Variants in ALKBH3 observed in about 807,000 individuals in gnomAD.
The protein encoded by ALKBH3 is alpha-ketoglutarate-dependent dioxygenase alkB homolog 3.
Under a neutral mutation model 43.9 loss-of-function variants are expected in ALKBH3, and 51 were observed. The observed-to-expected ratio is 1.16, with a 90% CI of 0.93 to 1.47. ALKBH3 has a LOEUF of 1.47. Ranked by LOEUF, ALKBH3 falls within the 40% of genes most tolerant of loss-of-function variation. The probability of loss-of-function intolerance (pLI) is 0.00; values close to 1 mark genes in which losing one functional copy is unlikely to be tolerated. For synonymous variants in ALKBH3, 102 were observed against 115.2 expected, an observed-to-expected ratio of 0.89 and a Z score of 0.73; for missense variants, 361 against 351.9, an observed-to-expected ratio of 1.03 and a Z score of -0.21.
In ALKBH3 at chr11:43,901,063, G is replaced by A. The variant is rs966982063; in HGVS notation, c.460-453G>A. ...TAAAATAGGAATAGAACGAACAGAG[G>A]GCCACCCAGCAGGAAAGTTGTTTCA... On this transcript the variant is annotated intron_variant, in intron 7 of 9. Coordinates refer to ENST00000302708, the MANE Select transcript of ALKBH3 (RefSeq NM_139178.4). 1.1e-4 allele frequency among the ~76,000 whole-genome samples: 17 copies of A among 152,132 alleles called. 1 individual carries two copies. Among genetic ancestry groups the A allele is most frequent in the African/African-American group, 3.6e-4 (15 of 41,418 alleles).
chr11:43,909,427 T>C (rs555897431), intron 8 of ALKBH3: 7 of 152,318 alleles, frequency 4.6e-5, no homozygotes, highest in Admixed American at 1.3e-4. Flanking sequence ...AGGAACAACT[T>C]TGCAGCCCAA....
chr11:43,889,115 A>AC (rs913600445), intron 5 of ALKBH3, among the ~76,000 whole-genome samples: 27 of 151,816 alleles, frequency 1.8e-4, no homozygotes, highest in African/African-American at 5.6e-4. Context: ...TGCAACCTCC[A>AC]CCCCCGGGTT....
intron 6 of ALKBH3, among the ~76,000 whole-genome samples, chr11:43,891,037 T>C (rs1031351860): frequency 2.0e-5 from 3 of 152,182 alleles, no homozygotes; most frequent in Admixed American, 6.5e-5. Context: ...TATATATTTT[T>C]TGAGTATTTT....
intron 8 of ALKBH3, among the ~76,000 whole-genome samples, chr11:43,915,274 G>T (rs1379568233): frequency 1.3e-5 from 2 of 151,204 alleles, no homozygotes; most frequent in Non-Finnish European, 2.9e-5. Flanking sequence ...TGAATGAGTT[G>T]TCATTTCTCC....
intron 5 of ALKBH3, among the ~76,000 whole-genome samples, chr11:43,888,568 C>A (rs1208338332): frequency 6.6e-6 from 1 of 152,210 alleles, no homozygotes; most frequent in Non-Finnish European, 1.5e-5. Flanking sequence ...ATAGAACTTA[C>A]ACATCTAGAT....
chr11:43,889,353 A>G (rs1951767849), intron 5 of ALKBH3, among the ~76,000 whole-genome samples: 1 of 152,228 alleles, frequency 6.6e-6, no homozygotes, highest in Non-Finnish European at 1.5e-5. Context: ...TTCACAGTGA[A>G]TCTATGAGGT....
chr11:43,887,357 G>A (rs976401688), intron 5 of ALKBH3, among the ~76,000 whole-genome samples: 3 of 152,144 alleles, frequency 2.0e-5, no homozygotes, highest in Non-Finnish European at 4.4e-5. Flanking sequence ...GCCCAGGCTG[G>A]AGTGCAATGG....
intron 8 of ALKBH3, among the ~76,000 whole-genome samples, chr11:43,917,296 A>G (rs1242043672): frequency 6.6e-6 from 1 of 152,114 alleles, no homozygotes; most frequent in Non-Finnish European, 1.5e-5. Flanking sequence ...TATAGTGTTT[A>G]CCTATTCTCT....
At chr11:43,896,515 G>A (rs1042329909) in intron 7 of ALKBH3, among the ~76,000 whole-genome samples, 3 of 152,102 alleles carry the variant, frequency 2.0e-5, no homozygotes, top group African/African-American at 7.2e-5. Context: ...TTTTCTGCCT[G>A]CTTTATATTC....
At chr11:43,916,043 A>G (rs528716235) in intron 8 of ALKBH3, among the ~76,000 whole-genome samples, 1 of 152,366 alleles carries the variant, frequency 6.6e-6, no homozygotes, top group South Asian at 2.1e-4. Flanking sequence ...AACCTGTATG[A>G]TGATTTTAAA....
intron 7 of ALKBH3, among the ~76,000 whole-genome samples, chr11:43,894,170 A>G (rs1422981663): frequency 6.6e-6 from 1 of 152,202 alleles, no homozygotes; most frequent in East Asian, 1.9e-4. Flanking sequence ...GTTCAAACTA[A>G]ATCTCACATG....
intron 6 of ALKBH3, among the ~76,000 whole-genome samples, chr11:43,890,663 A>C (rs1394524558): frequency 2.0e-5 from 3 of 152,138 alleles, no homozygotes; most frequent in African/African-American, 7.2e-5. Context: ...CAGGAGATCG[A>C]GACCATCCTG....
intron 5 of ALKBH3, among the ~76,000 whole-genome samples, chr11:43,887,443 G>T (rs1345214450): frequency 6.6e-6 from 1 of 152,130 alleles, no homozygotes; most frequent in Non-Finnish European, 1.5e-5. Flanking sequence ...AAGTAGCTGG[G>T]ATTACAGGCA....
At position 43,893,631 on chromosome 11, in the gene ALKBH3, T is replaced by C. The variant is rs1330452958; in HGVS notation, c.459+1502T>C. On this transcript the variant is annotated intron_variant, in intron 7 of 9. Coordinates refer to ENST00000302708, the MANE Select transcript of ALKBH3 (RefSeq NM_139178.4). ...AGACAAATATACCTAGAGAATCTTT[T>C]TTTCTGTAACAATAAAATAGTCCAG... 2.0e-5 allele frequency among the ~76,000 whole-genome samples: 3 copies of C among 152,180 alleles called. No homozygotes were observed. In the East Asian group the frequency reaches 5.8e-4, roughly 29 times the overall value.
At chr11:43,916,139 AT>A (rs1951981987) in intron 8 of ALKBH3, among the ~76,000 whole-genome samples, 1 of 152,254 alleles carries the variant, frequency 6.6e-6, no homozygotes, top group Non-Finnish European at 1.5e-5. Context: ...CTCATACAGT[AT>A]GAATTACCTT....
chr11:43,905,724 A>G (rs1353105985), intron 8 of ALKBH3, among the ~76,000 whole-genome samples: 2 of 152,140 alleles, frequency 1.3e-5, no homozygotes, highest in Admixed American at 6.5e-5. Context: ...GACCTTTTTT[A>G]TTCTATCAGG....
intron 7 of ALKBH3, among the ~76,000 whole-genome samples, chr11:43,899,983 A>T (rs1001874517): frequency 6.6e-6 from 1 of 151,920 alleles, no homozygotes; most frequent in African/African-American, 2.4e-5. Context: ...ATGTGAAGCC[A>T]ATTTCCTTCA....
At chr11:43,917,634 CCT>C (rs1463553628) in intron 8 of ALKBH3, among the ~76,000 whole-genome samples, 4 of 151,686 alleles carry the variant, frequency 2.6e-5, no homozygotes, top group Admixed American at 1.3e-4. Flanking sequence ...CCATGTGTCT[CCT>C]CTGTCTGGAT....
intron 7 of ALKBH3, among the ~76,000 whole-genome samples, chr11:43,896,297 ACACG>A (rs1301029279): frequency 6.8e-6 from 1 of 146,428 alleles, no homozygotes; most frequent in Non-Finnish European, 1.5e-5. Flanking sequence ...ACACACACAC[ACACG>A]TATATATATA....
Sources: allele counts gnomAD v4.1 joint callset (sites outside exome capture counted in the v4.1 genomes callset), GRCh38; gene constraint gnomAD v4.1.1; transcripts MANE v1.5; gene names NCBI Gene and HGNC (gene_info 2026-07-23, HGNC 2026-07-21).